The following CDH4 variants were observed in gnomAD, a reference collection of about 807,000 sequenced individuals.
CDH4 encodes cadherin-4.
In CDH4, 33 loss-of-function variants were observed where a neutral mutation model predicts 86.0. The observed-to-expected ratio is 0.38, with a 90% CI of 0.29 to 0.51. The LOEUF (loss-of-function observed/expected upper bound fraction) is 0.51, where lower values mean the gene tolerates loss of function less well. CDH4 is among the 20% of genes least tolerant of loss of function. The probability of loss-of-function intolerance (pLI) is 0.86; values close to 1 mark genes in which losing one functional copy is unlikely to be tolerated. For synonymous variants in CDH4, 555 were observed against 549.4 expected (o/e 1.01, Z -0.14); for missense variants, 1,114 against 1,307.4 (o/e 0.85, Z 2.28).
chr20:61,933,990 G>A (rs2055146330), intron 14 of CDH4, 66 bp from the exon 15 acceptor site: 3 of 1,570,348 alleles, frequency 1.9e-6, no homozygotes, highest in East Asian at 4.5e-5. Context: ...AGAAAAGGAT[G>A]CAGGGTGGAA....
At chr20:61,452,031 T>C (rs79678250) in intron 2 of CDH4, among the ~76,000 whole-genome samples, 13,276 of 152,294 alleles carry the variant, frequency 0.087, 1,625 homozygotes, top group African/African-American at 0.28. Context: ...AAAACGGCTG[T>C]GGCCCCTTCC....
Position 61,476,571 on chromosome 20 carries a change from C to T in CDH4, c.169+221634C>T, listed in dbSNP as rs142199911. 1.1e-4 allele frequency among the ~76,000 whole-genome samples: 16 copies of T among 152,300 alleles called. No homozygotes were observed. The East Asian group carries it at 1.9e-3, about 18-fold the overall frequency. On this transcript the variant is annotated intron_variant, in intron 2 of 15. Coordinates refer to ENST00000614565, the MANE Select transcript of CDH4 (RefSeq NM_001794.5). ...GGCTGGAGAGTTGAAGGAAGGCCCC[C>T]GGTGAGACACAGGTGGAGAGTGGGA...
At chr20:61,762,349 C>T (rs1456323983) in intron 3 of CDH4, among the ~76,000 whole-genome samples, 4 of 152,236 alleles carry the variant, frequency 2.6e-5, no homozygotes, top group Non-Finnish European at 5.9e-5. Flanking sequence ...GCTGAATTCT[C>T]TCATGATGAT....
intron 8 of CDH4, among the ~76,000 whole-genome samples, chr20:61,899,283 CAAAA>C (rs66506614): frequency 1.5e-5 from 2 of 134,272 alleles, no homozygotes; most frequent in African/African-American, 5.3e-5. Context: ...TAGCCTGTCT[CAAAA>C]AAAAAAAAGA....
chr20:61,493,270 T>G (rs959516574), intron 2 of CDH4, among the ~76,000 whole-genome samples: 1 of 152,186 alleles, frequency 6.6e-6, no homozygotes, highest in African/African-American at 2.4e-5. Context: ...ATGCCCTGCT[T>G]AGCCTAGAGA....
At chr20:61,607,016 G>A (rs368085259) in intron 2 of CDH4, among the ~76,000 whole-genome samples, 30 of 152,346 alleles carry the variant, frequency 2.0e-4, no homozygotes, top group African/African-American at 6.3e-4. Flanking sequence ...GCTGCTGGCC[G>A]GTCTGTGGTG....
chr20:61,284,107 C>T (rs1283099771), intron 2 of CDH4, among the ~76,000 whole-genome samples: 1 of 151,050 alleles, frequency 6.6e-6, no homozygotes, highest in East Asian at 1.9e-4. Context: ...AGATCGAGAC[C>T]ATCCTGGCTA....
At chr20:61,296,243 A>G (rs1276714762) in intron 2 of CDH4, among the ~76,000 whole-genome samples, 1 of 116,668 alleles carries the variant, frequency 8.6e-6, no homozygotes, top group Non-Finnish European at 1.9e-5. Flanking sequence ...GAGTGTGTGT[A>G]TGTGTGTGTG....
chr20:61,423,773 C>T (rs2085193560), intron 2 of CDH4, among the ~76,000 whole-genome samples: 1 of 152,154 alleles, frequency 6.6e-6, no homozygotes, highest in Non-Finnish European at 1.5e-5. Context: ...CGTCTTGCCT[C>T]TCTCAGCATC....
At chr20:61,489,739 C>T (rs1269764165) in intron 2 of CDH4, among the ~76,000 whole-genome samples, 1 of 152,236 alleles carries the variant, frequency 6.6e-6, no homozygotes, top group African/African-American at 2.4e-5. Context: ...CCACGATCCT[C>T]AATTCATAGG....
intron 8 of CDH4, among the ~76,000 whole-genome samples, chr20:61,900,724 G>A (rs1311779447): frequency 6.6e-6 from 1 of 152,184 alleles, no homozygotes; most frequent in Non-Finnish European, 1.5e-5. Flanking sequence ...AGCTGCATGG[G>A]AGAGATGGGG....
chr20:61,457,509 G>A (rs1187290508), intron 2 of CDH4, among the ~76,000 whole-genome samples: 1 of 152,236 alleles, frequency 6.6e-6, no homozygotes, highest in Non-Finnish European at 1.5e-5. Flanking sequence ...TGGGGGACAG[G>A]TGACAGTGAT....
At chr20:61,529,656 G>A (rs984940597) in intron 2 of CDH4, among the ~76,000 whole-genome samples, 1 of 152,174 alleles carries the variant, frequency 6.6e-6, no homozygotes, top group African/African-American at 2.4e-5. Flanking sequence ...TGAAACATGG[G>A]GAGAGGCCCT....
chr20:61,893,103 G>C (rs973802725), intron 7 of CDH4, among the ~76,000 whole-genome samples: 7 of 148,738 alleles, frequency 4.7e-5, no homozygotes, highest in African/African-American at 1.5e-4. Flanking sequence ...TGGGTGGGTG[G>C]ATGGATAGAT....
At chr20:61,357,841 T>A (rs2084760188) in intron 2 of CDH4, among the ~76,000 whole-genome samples, 1 of 152,226 alleles carries the variant, frequency 6.6e-6, no homozygotes, top group South Asian at 2.1e-4. Context: ...ATCTCTGGCC[T>A]TGACTCTATG....
intron 2 of CDH4, among the ~76,000 whole-genome samples, chr20:61,595,884 C>T (rs150230564): frequency 2.8e-4 from 43 of 152,326 alleles, no homozygotes; most frequent in African/African-American, 8.2e-4. Context: ...GAATGATTCC[C>T]GCACGGCTTC....
At chr20:61,700,234 C>A (rs1466134131) in intron 2 of CDH4, among the ~76,000 whole-genome samples, 1 of 152,184 alleles carries the variant, frequency 6.6e-6, no homozygotes, top group Non-Finnish European at 1.5e-5. Context: ...GTTCTGCCCA[C>A]AGACATACAT....
intron 2 of CDH4, among the ~76,000 whole-genome samples, chr20:61,538,793 C>T (rs1458765231): frequency 6.6e-6 from 1 of 152,212 alleles, no homozygotes; most frequent in Non-Finnish European, 1.5e-5. Context: ...TGCCACTTCT[C>T]GTCTAATCAG....
chr20:61,671,392 A>T (rs893175989), intron 2 of CDH4, among the ~76,000 whole-genome samples: 1 of 152,198 alleles, frequency 6.6e-6, no homozygotes, highest in African/African-American at 2.4e-5. Flanking sequence ...GCTACTTGGG[A>T]AGCTGAGGCA....
Sources: gnomAD v4.1 joint callset for allele counts (sites outside exome capture counted in the v4.1 genomes callset) on GRCh38, gnomAD v4.1.1 for gene constraint, MANE v1.5 for transcripts, NCBI Gene and HGNC (gene_info 2026-07-23, HGNC 2026-07-21) for gene names.